The following GAPDHS variants were observed in gnomAD, a reference collection of about 807,000 sequenced individuals.
GAPDHS encodes the protein glyceraldehyde-3-phosphate dehydrogenase, spermatogenic.
In GAPDHS, 42 loss-of-function variants were observed where a neutral mutation model predicts 48.7. The observed-to-expected ratio is 0.86, with a 90% confidence interval of 0.67 to 1.12. GAPDHS has a LOEUF of 1.12. GAPDHS is among the 50% of genes most tolerant of loss of function. GAPDHS has a pLI of 0.00. For missense variants in GAPDHS, 512 were observed against 557.7 expected (o/e 0.92, Z 0.82); for synonymous variants, 166 against 219.1 (o/e 0.76, Z 2.14).
chr19:35,544,481 C>T, intron 9 of GAPDHS: 1 of 187,092 alleles, frequency 5.3e-6, no homozygotes, highest in South Asian at 1.1e-4. Context: ...CTCCTGTGGC[C>T]TTTCATGACA....
chr19:35,533,664 C>A, intron 1 of GAPDHS, 70 bp downstream of exon 1: 1 of 1,202,122 alleles, frequency 8.3e-7, no homozygotes, highest in Non-Finnish European at 1.2e-6. Flanking sequence ...ACCCTCACAC[C>A]TGTGCCGTAT....
chr19:35,545,042 G>T, intron 10 of GAPDHS, 36 bp downstream of exon 10: 1 of 1,601,966 alleles, frequency 6.2e-7, no homozygotes. Context: ...AGAGGGAGGG[G>T]AACTAAGGGG....
chr19:35,536,731 A>C, intron 1 of GAPDHS, 82 bp from the exon 2 acceptor site: 1 of 1,217,746 alleles, frequency 8.2e-7, no homozygotes, highest in East Asian at 2.4e-5. Context: ...AGGAGCCAGC[A>C]ACAGATTCTG....
chr19:35,537,389 G>T (rs1302880382), intron 2 of GAPDHS, among the ~76,000 whole-genome samples: 5 of 152,168 alleles, frequency 3.3e-5, no homozygotes, highest in Admixed American at 1.3e-4. Flanking sequence ...GACAAGCAAT[G>T]ATTCTGGGGC....
chr19:35,534,948 G>C (rs1199441687), intron 1 of GAPDHS, among the ~76,000 whole-genome samples: 2 of 150,982 alleles, frequency 1.3e-5, no homozygotes, highest in Non-Finnish European at 2.9e-5. Flanking sequence ...ACCCCCTGCT[G>C]TCTCCCTTTC....
rs201521962 is a variant in GAPDHS at position 35,537,002 on chromosome 19, C to T, written c.245+12C>T. On this transcript the variant is annotated intron_variant, in intron 2 of 10. Coordinates refer to ENST00000222286, the MANE Select transcript of GAPDHS (RefSeq NM_014364.5). ...GTGGGCATCAATGGGTGAGTCTACT[C>T]CAGCCCCTGATCAGTCTGAAGCCTT... is the stretch of plus-strand genomic sequence containing the variant. 3.1e-6 allele frequency: 5 copies of T among 1,609,066 alleles called. No homozygotes were observed. In the African/African-American group the frequency reaches 5.3e-5, roughly 17 times the overall value.
chr19:35,544,689 G>T, intron 9 of GAPDHS: 2 of 591,152 alleles, frequency 3.4e-6, no homozygotes, highest in Non-Finnish European at 6.1e-6. Flanking sequence ...ACAGCATGAG[G>T]GTGTTTGTGA....
Position 35,543,391 on chromosome 19 carries a change from A to G in GAPDHS, c.793A>G (p.Arg265Gly), listed in dbSNP as rs1360856826. The G allele has an allele frequency of 2.5e-6, 4 of 1,612,456 alleles. No homozygotes were observed. The highest frequency in any genetic ancestry group is 2.2e-5 in the East Asian group (1 of 44,866). The change falls in exon 8 of 11, where the codon AGG (arginine) becomes GGG (glycine). Residue 265 changes from arginine (R) to glycine (G), a missense_variant. Arg to Gly is a moderately radical substitution (Grantham distance 125). Transcript: ENST00000222286. ...ATQKTVDGPS[R>G]KAWRDGRGAH... ...CCAGAAGACAGTGGACGGGCCATCA[A>G]GGAAGGCCTGGCGAGATGGGCGGGG...
At chr19:35,534,005 A>G (rs568098895) in intron 1 of GAPDHS, among the ~76,000 whole-genome samples, 68 of 152,304 alleles carry the variant, frequency 4.5e-4, no homozygotes, top group Middle Eastern at 3.4e-3. Context: ...CCTGTGATGC[A>G]CAAAACAAGG....
At chr19:35,539,348 TG>T (rs1408452885) in intron 4 of GAPDHS, among the ~76,000 whole-genome samples, 1 of 152,218 alleles carries the variant, frequency 6.6e-6, no homozygotes, top group Non-Finnish European at 1.5e-5. Context: ...TAATGAGGCT[TG>T]TGCGAACATC....
At chr19:35,537,248 T>G (rs2071472121) in intron 2 of GAPDHS, among the ~76,000 whole-genome samples, 1 of 152,114 alleles carries the variant, frequency 6.6e-6, no homozygotes, top group Admixed American at 6.6e-5. Flanking sequence ...AAAGTCAGGC[T>G]GGAGAGGGCA....
At chr19:35,533,746 C>A in intron 1 of GAPDHS, 152 bp downstream of exon 1, 3 of 592,560 alleles carry the variant, frequency 5.1e-6, no homozygotes, top group Non-Finnish European at 8.7e-6. Context: ...CCTCCACACC[C>A]GCCAGTGTGC....
At position 35,538,697 on chromosome 19, in the gene GAPDHS, C is replaced by T. The variant is rs768605592; in HGVS notation, c.449+14C>T. The T allele has an allele frequency of 2.1e-6, 3 of 1,413,576 alleles. No homozygotes were observed. Among genetic ancestry groups the T allele is most frequent in the Non-Finnish European group, 2.0e-6 (2 of 996,922 alleles). The allele number at this position is 1,413,576 out of a possible 1,614,324, so 87.6% of individuals were successfully genotyped here. ...TGTCTACCAGTGGTAAGGAAAGCAT[C>T]TGTCTGATGCACGGCTGTGACATAT... On this transcript the variant is annotated intron_variant, in intron 4 of 10. Coordinates refer to ENST00000222286, the MANE Select transcript of GAPDHS (RefSeq NM_014364.5).
At chr19:35,535,676 C>T (rs553962197) in intron 1 of GAPDHS, among the ~76,000 whole-genome samples, 1 of 151,936 alleles carries the variant, frequency 6.6e-6, no homozygotes, top group African/African-American at 2.4e-5. Context: ...CGTGAGCCAC[C>T]GCTCCCGGCC....
intron 8 of GAPDHS, 42 bp downstream of exon 8, chr19:35,543,533 CAGG>C: frequency 6.3e-7 from 1 of 1,582,232 alleles, no homozygotes; most frequent in Non-Finnish European, 8.6e-7. Flanking sequence ...GGGCATACGC[CAGG>C]AGGACTGGAC....
chr19:35,543,112 G>A, intron 7 of GAPDHS, 86 bp downstream of exon 7: 1 of 1,149,684 alleles, frequency 8.7e-7, no homozygotes, highest in Non-Finnish European at 1.3e-6. Context: ...ATGGAGTTAA[G>A]AGGGAGAGAC....
At chr19:35,543,890 G>T (rs574804268) in intron 9 of GAPDHS, 63 bp downstream of exon 9, 533 of 1,485,272 alleles carry the variant, frequency 3.6e-4, no homozygotes, top group Non-Finnish European at 4.5e-4. Context: ...ATTTCCACTT[G>T]CCAGGGAGCT....
At chr19:35,535,543 C>T (rs1422689627) in intron 1 of GAPDHS, among the ~76,000 whole-genome samples, 1 of 151,746 alleles carries the variant, frequency 6.6e-6, no homozygotes, top group Non-Finnish European at 1.5e-5. Context: ...TGCCACCACG[C>T]CTGGCTAATT....
At chr19:35,543,621 C>T (rs748555990) in intron 8 of GAPDHS, 44 bp from the exon 9 acceptor site, 22 of 1,599,162 alleles carry the variant, frequency 1.4e-5, no homozygotes, top group African/African-American at 5.4e-5. Flanking sequence ...TGGAGGGCAA[C>T]GTCCCTAAGT....
Sources: gnomAD v4.1 joint callset for allele counts (sites outside exome capture counted in the v4.1 genomes callset) on GRCh38, gnomAD v4.1.1 for gene constraint, MANE v1.5 for transcripts, NCBI Gene and HGNC (gene_info 2026-07-23, HGNC 2026-07-21) for gene names.